The following EED variants were observed in gnomAD, a reference collection of about 807,000 sequenced individuals.
The protein encoded by EED is polycomb protein EED.
EED carries 9 observed loss-of-function variants against 61.0 expected under a neutral mutation model. That is an observed-to-expected ratio of 0.15 (90% CI 0.09 to 0.26). The LOEUF (loss-of-function observed/expected upper bound fraction) is 0.26, where lower values mean the gene tolerates loss of function less well. EED is among the 10% of genes least tolerant of loss of function. EED has a pLI of 1.00. For synonymous variants in EED, 187 were observed against 174.4 expected, an observed-to-expected ratio of 1.07 and a Z score of -0.57; for missense variants, 315 against 542.3, an observed-to-expected ratio of 0.58 and a Z score of 4.16.
At chr11:86,256,058 C>A (rs1945663259) in intron 4 of EED, among the ~76,000 whole-genome samples, 1 of 152,172 alleles carries the variant, frequency 6.6e-6, no homozygotes, top group Non-Finnish European at 1.5e-5. Flanking sequence ...GCAGGTTGGT[C>A]ACCTGTTTTT....
intron 1 of EED, among the ~76,000 whole-genome samples, chr11:86,245,927 A>G (rs888383025): frequency 6.6e-6 from 1 of 151,606 alleles, no homozygotes; most frequent in East Asian, 1.9e-4. Flanking sequence ...TCGATTTTTG[A>G]TTTGGGGGTG....
chr11:86,284,745 C>T, the EED span: 1 of 152,190 alleles, frequency 6.6e-6, no homozygotes, highest in African/African-American at 2.4e-5. Context: ...ACACAGGATT[C>T]TATCGGTCCT....
At chr11:86,264,431 T>C (rs1945921363) in intron 7 of EED, 168 bp downstream of exon 7, 2 of 467,502 alleles carry the variant, frequency 4.3e-6, no homozygotes, top group Non-Finnish European at 7.6e-6. Flanking sequence ...ATAAAACAAG[T>C]AAAGACTATA....
intron 4 of EED, among the ~76,000 whole-genome samples, chr11:86,256,139 A>G (rs1055667262): frequency 5.9e-5 from 9 of 152,214 alleles, no homozygotes; most frequent in Non-Finnish European, 1.2e-4. Context: ...TGGTACTGCA[A>G]CTACAGAGTT....
At chr11:86,265,970 A>G (rs1017647245) in intron 7 of EED, 113 bp from the exon 8 acceptor site, 15 of 868,522 alleles carry the variant, frequency 1.7e-5, no homozygotes, top group Non-Finnish European at 2.4e-5. Context: ...CCCAAAATGT[A>G]GTTTGTATTG....
intron 2 of EED, among the ~76,000 whole-genome samples, chr11:86,251,070 T>G (rs1945519652): frequency 6.6e-6 from 1 of 152,188 alleles, no homozygotes; most frequent in Non-Finnish European, 1.5e-5. Flanking sequence ...GTTTTTTAAA[T>G]GTGAGGCTAT....
rs1166408344 is a variant in EED, at chr11:86,261,555, G to T, written c.635-2617G>T. 2.6e-5 allele frequency among the ~76,000 whole-genome samples: 4 copies of T among 152,362 alleles called. No individual in the cohort carries two copies. The East Asian group carries it at 7.7e-4, about 29-fold the overall frequency. The stretch of plus-strand genomic sequence containing the variant: ...GGCTTTTTCCCCATGGCTCCACCAG[G>T]TGTTGCTGTAGTAGGAACTGCTGTG... On this transcript the variant is annotated intron_variant, in intron 6 of 11. Transcript: ENST00000263360.
chr11:86,280,751 A>G (rs544334394), downstream of EED, among the ~76,000 whole-genome samples: 48 of 152,354 alleles, frequency 3.2e-4, 1 homozygote, highest in South Asian at 2.5e-3. Context: ...TCCTCATCTT[A>G]AAGGAAAAGC....
At chr11:86,261,187 C>CTA (rs1337462955) in intron 6 of EED, among the ~76,000 whole-genome samples, 2 of 152,158 alleles carry the variant, frequency 1.3e-5, no homozygotes, top group Non-Finnish European at 2.9e-5. Context: ...GGCATCTTAT[C>CTA]TATTTTCAAA....
At chr11:86,286,665 A>G in the EED span, among the ~76,000 whole-genome samples, 1 of 152,018 alleles carries the variant, frequency 6.6e-6, no homozygotes, top group Non-Finnish European at 1.5e-5. Context: ...TTTTAATGCA[A>G]CCCACAGTAA....
downstream of EED, among the ~76,000 whole-genome samples, chr11:86,280,803 T>C (rs2138246128): frequency 6.6e-6 from 1 of 152,356 alleles, no homozygotes; most frequent in Admixed American, 6.5e-5. Context: ...GTTATTGGCA[T>C]GTCACACATG....
At chr11:86,263,142 C>G (rs1408818316) in intron 6 of EED, among the ~76,000 whole-genome samples, 2 of 152,176 alleles carry the variant, frequency 1.3e-5, no homozygotes, top group African/African-American at 4.8e-5. Context: ...CCAATAACTT[C>G]TCATTTCTGT....
At chr11:86,250,215 C>G in intron 1 of EED, 81 bp from the exon 2 acceptor site, 1 of 1,261,492 alleles carries the variant, frequency 7.9e-7, no homozygotes. Flanking sequence ...TTAGGTCAGT[C>G]AGCATCTTCC....
chr11:86,271,149 C>T (rs34602206), intron 9 of EED, among the ~76,000 whole-genome samples: 3,614 of 152,130 alleles, frequency 0.024, 153 homozygotes, highest in East Asian at 0.14. Flanking sequence ...TGTGCTGAGT[C>T]TTCTAATCCA....
At chr11:86,276,944 T>C in intron 9 of EED, 36 bp from the exon 10 acceptor site, 13 of 1,449,642 alleles carry the variant, frequency 9.0e-6, no homozygotes, top group Non-Finnish European at 1.1e-5. Flanking sequence ...AGTTCCTCAT[T>C]AACATTTCTT....
intron 6 of EED, among the ~76,000 whole-genome samples, chr11:86,261,866 G>A (rs1192134258): frequency 6.6e-6 from 1 of 152,170 alleles, no homozygotes; most frequent in Non-Finnish European, 1.5e-5. Context: ...GGTCCCATGG[G>A]TGCTACTCTG....
chr11:86,268,594 CGTGTGTGT>C lies in EED; in HGVS notation c.966+58_966+65del, dbSNP rs71040225. ...AACTGCAGTTAAGCTGTACTTCCAT[CGTGTGTGT>C]GTGTGTGTGTGTGTGTGTGTGTGTA... On this transcript the variant is annotated intron_variant, in intron 9 of 11. Transcript: ENST00000263360. The C allele has an allele frequency of 4.3e-4, 349 of 820,560 alleles. 1 individual carries two copies. The African/African-American group carries it at 4.3e-3, about 10-fold the overall frequency. 50.8% of individuals were successfully genotyped at this position (820,560 alleles called of 1,614,324 possible).
At chr11:86,255,595 A>T (rs1331632666) in intron 4 of EED, among the ~76,000 whole-genome samples, 1 of 152,096 alleles carries the variant, frequency 6.6e-6, no homozygotes, top group African/African-American at 2.4e-5. Context: ...ATTAGCAAAG[A>T]CTGATTAAAA....
At chr11:86,266,963 G>C (rs1945995642) in intron 8 of EED, among the ~76,000 whole-genome samples, 2 of 152,132 alleles carry the variant, frequency 1.3e-5, no homozygotes, top group African/African-American at 2.4e-5. Context: ...GTAAGCATCA[G>C]TAAATATTTC....
Sources: allele counts gnomAD v4.1 joint callset (sites outside exome capture counted in the v4.1 genomes callset), GRCh38; gene constraint gnomAD v4.1.1; transcripts MANE v1.5; gene names NCBI Gene and HGNC (gene_info 2026-07-23, HGNC 2026-07-21).